GHR: variants seen among roughly 807,000 people sequenced by gnomAD.
The protein encoded by GHR is growth hormone receptor, also known as GH receptor.
Under a neutral mutation model 67.1 loss-of-function variants are expected in GHR, and 35 were observed. The ratio of observed to expected loss-of-function variants is 0.52; its 90% confidence interval spans 0.40 to 0.69. GHR has a LOEUF of 0.69. Ranked by LOEUF, GHR falls within the 30% of genes least tolerant of loss-of-function variation. The pLI is 0.00. For missense variants in GHR, 792 were observed against 764.6 expected (o/e 1.04, Z -0.42); for synonymous variants, 272 against 269.1 (o/e 1.01, Z -0.10).
At chr5:42,569,848 G>A (rs1171694529) in intron 2 of GHR, among the ~76,000 whole-genome samples, 1 of 152,092 alleles carries the variant, frequency 6.6e-6, no homozygotes, top group Non-Finnish European at 1.5e-5. Context: ...TGCAAAAGGT[G>A]TTATATCATT....
At chr5:42,560,336 G>A in intron 1 of GHR, among the ~76,000 whole-genome samples, 1 of 152,104 alleles carries the variant, frequency 6.6e-6, no homozygotes, top group Non-Finnish European at 1.5e-5. Context: ...TGGGACTACA[G>A]GTGTGCGCCA....
In GHR at chr5:42,480,986, T is replaced by C. The variant is rs187547741; in HGVS notation, c.-12+57031T>C. On this transcript the variant is annotated intron_variant, in intron 1 of 9. Transcript: ENST00000230882. ...TGATGCAGTTTCTTCCTAGCCTTGATGGTCTTTACAATTTGGCATGTTTTT... is the reference window on the plus strand; with the variant it reads ...TGATGCAGTTTCTTCCTAGCCTTGACGGTCTTTACAATTTGGCATGTTTTT... Among the ~76,000 whole-genome samples the C allele has an allele frequency of 2.6e-3, 401 of 152,318 alleles. 13 individuals are homozygous for C. The East Asian group carries it at 0.046, about 17-fold the overall frequency.
At chr5:42,524,260 A>T (rs1747603653) in intron 1 of GHR, among the ~76,000 whole-genome samples, 1 of 152,194 alleles carries the variant, frequency 6.6e-6, no homozygotes. Context: ...TGATAACGAT[A>T]TGGACAATAA....
chr5:42,630,575 A>G (rs777908170), intron 3 of GHR, among the ~76,000 whole-genome samples: 2 of 131,986 alleles, frequency 1.5e-5, no homozygotes, highest in African/African-American at 3.2e-5. Context: ...CCAGACCACA[A>G]ATCCTTTATA....
chr5:42,522,455 T>C (rs556312082), intron 1 of GHR, among the ~76,000 whole-genome samples: 28 of 152,328 alleles, frequency 1.8e-4, no homozygotes, highest in African/African-American at 6.5e-4. Context: ...CTTCCTGTCA[T>C]TTACCACTTT....
chr5:42,561,347 A>C (rs559197229), intron 1 of GHR, among the ~76,000 whole-genome samples: 13 of 152,312 alleles, frequency 8.5e-5, no homozygotes, highest in African/African-American at 3.1e-4. Flanking sequence ...TTTTGCATTA[A>C]TCTCCATAGT....
chr5:42,424,529 C>G lies in GHR; in HGVS notation c.-12+574C>G, dbSNP rs1404700485. 1.3e-6 allele frequency: 2 copies of G among 1,492,368 alleles called. No homozygotes were observed. Among genetic ancestry groups the G allele is most frequent in the Admixed American group, 2.0e-5 (1 of 50,946 alleles). The allele number at this position is 1,492,368 out of a possible 1,614,324, so 92.4% of individuals were successfully genotyped here. ...CGGTCTTTTGCGCGTTTGTGCGGGC[C>G]GCAGCCGCACGTTGGCACCGATGGA... On this transcript the variant is annotated intron_variant, in intron 1 of 9. Coordinates refer to ENST00000230882, the MANE Select transcript of GHR (RefSeq NM_000163.5). This position sits in a 1 kb window ranked among gnomAD's most constrained non-coding sequence, Gnocchi z 4.1.
chr5:42,582,142 C>T (rs1364593826), intron 2 of GHR, among the ~76,000 whole-genome samples: 3 of 152,228 alleles, frequency 2.0e-5, no homozygotes, highest in Non-Finnish European at 2.9e-5. Context: ...GGCCTGCAGG[C>T]GCCCCTTGGC....
intron 3 of GHR, among the ~76,000 whole-genome samples, chr5:42,661,716 C>T (rs1755637264): frequency 1.3e-5 from 2 of 152,286 alleles, no homozygotes. Context: ...AAATAACCAG[C>T]TAACATCATA....
chr5:42,430,711 T>C (rs902415130), intron 1 of GHR, among the ~76,000 whole-genome samples: 7 of 152,064 alleles, frequency 4.6e-5, no homozygotes, highest in Non-Finnish European at 8.8e-5. Flanking sequence ...TGCTTTATTC[T>C]AGTCTGATAT....
At position 42,717,432 on chromosome 5, in the gene GHR, T is replaced by C. The variant is rs573915231; in HGVS notation, c.876-620T>C. The stretch of plus-strand genomic sequence containing the variant: ...ATTTGGAACAAAAAATGTAAGTGCA[T>C]CCTAGAATTGTATATATAAACCCAT... On this transcript the variant is annotated intron_variant, in intron 8 of 9. Coordinates refer to ENST00000230882, the MANE Select transcript of GHR (RefSeq NM_000163.5). Among the ~76,000 whole-genome samples the C allele has an allele frequency of 2.0e-5, 3 of 152,328 alleles. No individual in the cohort carries two copies. The South Asian group carries it at 6.2e-4, about 32-fold the overall frequency.
intron 2 of GHR, among the ~76,000 whole-genome samples, chr5:42,599,112 G>A (rs1296846081): frequency 2.0e-5 from 3 of 152,206 alleles, no homozygotes; most frequent in Non-Finnish European, 4.4e-5. Flanking sequence ...CATTTTGCTA[G>A]TAGCAGTGGA....
At chr5:42,650,089 AG>A (rs1754940336) in intron 3 of GHR, among the ~76,000 whole-genome samples, 1 of 152,150 alleles carries the variant, frequency 6.6e-6, no homozygotes, top group African/African-American at 2.4e-5. Flanking sequence ...GACCCAGGGA[AG>A]GGTCGTGGGT....
chr5:42,596,949 G>A (rs948280040), intron 2 of GHR, among the ~76,000 whole-genome samples: 1 of 152,196 alleles, frequency 6.6e-6, no homozygotes, highest in African/African-American at 2.4e-5. Flanking sequence ...AGGCCCATGA[G>A]GCTAGCCAGT....
chr5:42,449,414 A>G lies in GHR; in HGVS notation c.-12+25459A>G, dbSNP rs914481226. On this transcript the variant is annotated intron_variant, in intron 1 of 9. Coordinates refer to ENST00000230882, the MANE Select transcript of GHR (RefSeq NM_000163.5). The stretch of plus-strand genomic sequence containing the variant: ...TTTGCAGCTGTTGTAAAAGGAATTG[A>G]GTTCTTGATTTGACTCTCAGCTTGG... Among the ~76,000 whole-genome samples, 3 of 152,082 alleles carry G rather than the reference A, an allele frequency of 2.0e-5. No homozygotes were observed. The East Asian group carries it at 5.8e-4, about 29-fold the overall frequency.
chr5:42,576,141 A>AGTAAAGTAAAGTAAAGTAAAGT (rs1473733015), intron 2 of GHR, among the ~76,000 whole-genome samples: 6 of 94,710 alleles, frequency 6.3e-5, no homozygotes, highest in African/African-American at 2.8e-4. Flanking sequence ...AATAAAATAA[A>AGTAAAGTAAAGTAAAGTAAAGT]ATAGTAAAGT....
chr5:42,499,576 T>C (rs1461630416), intron 1 of GHR, among the ~76,000 whole-genome samples: 1 of 152,182 alleles, frequency 6.6e-6, no homozygotes, highest in Admixed American at 6.5e-5. Flanking sequence ...TTGTTGTGGT[T>C]GTTGTTTCAC....
At chr5:42,505,133 T>C (rs1412756259) in intron 1 of GHR, among the ~76,000 whole-genome samples, 1 of 151,556 alleles carries the variant, frequency 6.6e-6, no homozygotes, top group Non-Finnish European at 1.5e-5. Flanking sequence ...TTTTTTTTTT[T>C]TTTTCTTTCT....
chr5:42,616,706 G>A (rs1247787403), intron 2 of GHR, among the ~76,000 whole-genome samples: 1 of 151,818 alleles, frequency 6.6e-6, no homozygotes, highest in African/African-American at 2.4e-5. Context: ...GAATATTGGA[G>A]GGAAGAGTTT....
Sources: allele counts gnomAD v4.1 joint callset (sites outside exome capture counted in the v4.1 genomes callset), GRCh38; gene constraint gnomAD v4.1.1; non-coding constraint Gnocchi (gnomAD v3.1); transcripts MANE v1.5; gene names NCBI Gene and HGNC (gene_info 2026-07-23, HGNC 2026-07-21).